Variants in MEI4 observed in about 807,000 individuals in gnomAD.
MEI4 encodes meiotic double-stranded break formation protein 4, also known as meiosis-specific protein MEI4.
MEI4 carries 27 observed loss-of-function variants against 31.4 expected under a neutral mutation model. The observed-to-expected ratio is 0.86, with a 90% CI of 0.63 to 1.19. The LOEUF (loss-of-function observed/expected upper bound fraction) is 1.19. Among genes scored for constraint, MEI4 ranks in the 50% most tolerant of loss-of-function variants. The probability of loss-of-function intolerance (pLI) is 0.00; values close to 1 mark genes in which losing one functional copy is unlikely to be tolerated. For synonymous variants in MEI4, 122 were observed against 145.4 expected (o/e 0.84, Z 1.16); for missense variants, 329 against 398.9 (o/e 0.82, Z 1.49).
intron 2 of MEI4, among the ~76,000 whole-genome samples, chr6:77,747,326 A>T (rs1359933934): frequency 6.6e-6 from 1 of 152,188 alleles, no homozygotes; most frequent in Non-Finnish European, 1.5e-5. Flanking sequence ...CTAAAAAAAA[A>T]GAAAAAGAGA....
chr6:77,744,585 C>T (rs1490977680), intron 2 of MEI4, among the ~76,000 whole-genome samples: 1 of 152,150 alleles, frequency 6.6e-6, no homozygotes, highest in Non-Finnish European at 1.5e-5. Context: ...TCTAGCAAGG[C>T]AGGCCAACAT....
chr6:77,910,013 C>T (rs1488244003), intron 4 of MEI4, among the ~76,000 whole-genome samples: 2 of 152,112 alleles, frequency 1.3e-5, no homozygotes, highest in African/African-American at 4.8e-5. Flanking sequence ...CAACAACCTT[C>T]ATGCTAAAAA....
chr6:77,785,091 T>C (rs560840184), intron 3 of MEI4, among the ~76,000 whole-genome samples: 1 of 152,268 alleles, frequency 6.6e-6, no homozygotes, highest in East Asian at 1.9e-4. Context: ...ATTCAGGAAA[T>C]CATTGGGAAT....
intron 3 of MEI4, among the ~76,000 whole-genome samples, chr6:77,793,798 A>T (rs1769004997): frequency 6.6e-6 from 1 of 152,152 alleles, no homozygotes; most frequent in African/African-American, 2.4e-5. Flanking sequence ...ATACAGAAAA[A>T]ATTAAGAGAA....
intron 4 of MEI4, among the ~76,000 whole-genome samples, chr6:77,843,172 C>G (rs929605007): frequency 6.6e-6 from 1 of 151,416 alleles, no homozygotes; most frequent in Non-Finnish European, 1.5e-5. Context: ...GAAGCATTCT[C>G]TAAATTATGC....
At chr6:77,920,735 G>C (rs1284705517) in intron 4 of MEI4, among the ~76,000 whole-genome samples, 1 of 151,872 alleles carries the variant, frequency 6.6e-6, no homozygotes, top group Non-Finnish European at 1.5e-5. Context: ...CTGCAAAATA[G>C]ATGTGTTTGT....
intron 1 of MEI4, among the ~76,000 whole-genome samples, chr6:77,665,585 G>C (rs552016197): frequency 6.6e-6 from 1 of 152,314 alleles, no homozygotes; most frequent in African/African-American, 2.4e-5. Flanking sequence ...GACCAAGGCA[G>C]GTGTCCCTGC....
At chr6:77,663,738 C>T (rs1163412314) in intron 1 of MEI4, among the ~76,000 whole-genome samples, 1 of 152,110 alleles carries the variant, frequency 6.6e-6, no homozygotes, top group African/African-American at 2.4e-5. Flanking sequence ...GACGGGCTTA[C>T]CTTCCACTGT....
At chr6:77,891,442 C>G (rs1259023372) in intron 4 of MEI4, among the ~76,000 whole-genome samples, 1 of 152,052 alleles carries the variant, frequency 6.6e-6, no homozygotes, top group Non-Finnish European at 1.5e-5. Flanking sequence ...TTATTGAAAT[C>G]TCTAGTTCCA....
intron 4 of MEI4, among the ~76,000 whole-genome samples, chr6:77,872,567 T>C (rs142825848): frequency 2.2e-3 from 336 of 152,086 alleles, no homozygotes; most frequent in African/African-American, 7.4e-3. Flanking sequence ...TATTTTTTTA[T>C]TTTTTATTTA....
chr6:77,841,329 A>ATTTT (rs1770354810), intron 4 of MEI4, among the ~76,000 whole-genome samples: 1 of 36,958 alleles, frequency 2.7e-5, no homozygotes, highest in Non-Finnish European at 4.2e-5. Context: ...ATATATATAT[A>ATTTT]TATATTTTTT....
intron 3 of MEI4, among the ~76,000 whole-genome samples, chr6:77,803,063 G>A (rs960485129): frequency 6.6e-6 from 1 of 152,222 alleles, no homozygotes; most frequent in Admixed American, 6.5e-5. Flanking sequence ...ATCCTGCAGA[G>A]TGTTTTCCAA....
chr6:77,666,187 G>T (rs1324875081), intron 1 of MEI4, among the ~76,000 whole-genome samples: 1 of 152,068 alleles, frequency 6.6e-6, no homozygotes, highest in Non-Finnish European at 1.5e-5. Flanking sequence ...GGCAGGGGGT[G>T]GGTCTCACAA....
intron 4 of MEI4, among the ~76,000 whole-genome samples, chr6:77,887,485 C>A (rs532719982): frequency 6.6e-6 from 1 of 151,552 alleles, no homozygotes; most frequent in Non-Finnish European, 1.5e-5. Flanking sequence ...TTAGTAGGGA[C>A]GGGGTTTCAC....
chr6:77,882,684 G>A (rs1415235562), intron 4 of MEI4, among the ~76,000 whole-genome samples: 1 of 152,116 alleles, frequency 6.6e-6, no homozygotes, highest in Non-Finnish European at 1.5e-5. Flanking sequence ...TAGTCTACCA[G>A]GAAGGGTTTT....
intron 4 of MEI4, among the ~76,000 whole-genome samples, chr6:77,873,334 G>A (rs997270086): frequency 6.6e-6 from 1 of 152,144 alleles, no homozygotes; most frequent in Non-Finnish European, 1.5e-5. Flanking sequence ...GGTTTTGATT[G>A]GCATTGCTCT....
chr6:77,772,256 C>CAAAAA (rs58119358), intron 3 of MEI4, among the ~76,000 whole-genome samples: 1 of 140,354 alleles, frequency 7.1e-6, no homozygotes, highest in African/African-American at 2.6e-5. Context: ...AAAGACACAT[C>CAAAAA]AAAAAAAAAA....
chr6:77,742,545 C>A (rs1050934601), intron 2 of MEI4, among the ~76,000 whole-genome samples: 1 of 152,094 alleles, frequency 6.6e-6, no homozygotes, highest in African/African-American at 2.4e-5. Flanking sequence ...GAGTAGTTTG[C>A]GAAAATTTTC....
chr6:77,753,512 G>A (rs1243098509), intron 2 of MEI4, among the ~76,000 whole-genome samples: 4 of 152,182 alleles, frequency 2.6e-5, no homozygotes, highest in Non-Finnish European at 5.9e-5. Flanking sequence ...GCTCAGCATC[G>A]CTGATCATTA....
Sources: allele counts gnomAD v4.1 joint callset (sites outside exome capture counted in the v4.1 genomes callset), GRCh38; gene constraint gnomAD v4.1.1; transcripts MANE v1.5; gene names NCBI Gene and HGNC (gene_info 2026-07-23, HGNC 2026-07-21).